KDM6A: variants seen among roughly 807,000 people sequenced by gnomAD.
KDM6A encodes lysine demethylase 6A.
In KDM6A, 11 loss-of-function variants were observed where a neutral mutation model predicts 117.6. The ratio of observed to expected loss-of-function variants is 0.09; its 90% CI spans 0.06 to 0.15. The LOEUF (loss-of-function observed/expected upper bound fraction) is 0.15, where lower values mean the gene tolerates loss of function less well. Among genes scored for constraint, KDM6A ranks in the 10% least tolerant of loss-of-function variants. The pLI, the probability that KDM6A is intolerant of heterozygous loss-of-function variation, is 1.00. For missense variants in KDM6A, 799 were observed against 1,077.3 expected, an observed-to-expected ratio of 0.74 and a Z score of 3.62; for synonymous variants, 384 against 396.1, an observed-to-expected ratio of 0.97 and a Z score of 0.36.
intron 2 of KDM6A, among the ~76,000 whole-genome samples, chrX:44,931,907 A>T (rs1362676814): frequency 2.1e-4 from 23 of 110,250 alleles, no homozygotes; most frequent in Non-Finnish European, 1.9e-5. Flanking sequence ...ATCCTATTTT[A>T]AAAATATCAT....
chrX:45,086,016 TAGAA>T (rs1372961691), intron 25 of KDM6A, 37 bp downstream of exon 25: 2 of 844,897 alleles, frequency 2.4e-6, no homozygotes, highest in Non-Finnish European at 3.6e-6. Context: ...AAACATATAT[TAGAA>T]AGCAGTAATT....
At chrX:44,951,786 C>A (rs1251270408) in intron 2 of KDM6A, among the ~76,000 whole-genome samples, 1 of 111,244 alleles carries the variant, frequency 9.0e-6, no homozygotes, top group Non-Finnish European at 1.9e-5. Flanking sequence ...TGACCTGAGT[C>A]AACTACCTTA....
chrX:44,955,149 C>T (rs2038254902), intron 2 of KDM6A, among the ~76,000 whole-genome samples: 1 of 111,727 alleles, frequency 9.0e-6, no homozygotes. Context: ...CTTCTTCCTT[C>T]TTTGTCTTTC....
rs1430171253 is a variant in KDM6A at position 44,912,091 on chromosome X, G to T, written c.225+38104G>T. On this transcript the variant is annotated intron_variant, in intron 2 of 29. Coordinates refer to ENST00000611820, the MANE Select transcript of KDM6A (RefSeq NM_001291415.2). The stretch of plus-strand genomic sequence containing the variant: ...GGGAGAGGTTATAAACTTTTTTTTT[G>T]TTTGTTTGTTTTTTGAGACGAAGCC... 1.7e-4 allele frequency among the ~76,000 whole-genome samples: 19 copies of T among 108,656 alleles called. No homozygotes were observed. The East Asian group carries it at 3.8e-3, about 22-fold the overall frequency. The allele number at this position is 108,656 out of a possible 115,157, so 94.4% of individuals were successfully genotyped here. A position where few individuals can be genotyped will look rare whatever the true frequency, so the allele number is the denominator to read the frequency against.
At chrX:44,960,021 G>A (rs1261692880) in intron 2 of KDM6A, among the ~76,000 whole-genome samples, 3 of 111,695 alleles carry the variant, frequency 2.7e-5, no homozygotes, top group Non-Finnish European at 5.7e-5. Flanking sequence ...ATGTGCTTAG[G>A]ATAGGTAAAT....
At chrX:44,903,348 G>A (rs954347941) in intron 2 of KDM6A, among the ~76,000 whole-genome samples, 3 of 111,888 alleles carry the variant, frequency 2.7e-5, no homozygotes, top group African/African-American at 9.7e-5. Context: ...GCTTGTATGT[G>A]ATGAGTCACT....
At chrX:44,963,225 G>T (rs2038780959) in intron 3 of KDM6A, among the ~76,000 whole-genome samples, 1 of 110,679 alleles carries the variant, frequency 9.0e-6, no homozygotes, top group African/African-American at 3.3e-5. Context: ...ATTTTGGGAG[G>T]CCAAGGCAGG....
At chrX:45,027,459 G>C (rs17147066) in intron 6 of KDM6A, among the ~76,000 whole-genome samples, 2 of 110,546 alleles carry the variant, frequency 1.8e-5, no homozygotes, top group African/African-American at 6.7e-5. Flanking sequence ...ACCTCTTTCA[G>C]CTGGCATTTT....
intron 6 of KDM6A, among the ~76,000 whole-genome samples, chrX:45,031,429 G>C (rs1226685609): frequency 8.9e-6 from 1 of 111,901 alleles, no homozygotes; most frequent in Non-Finnish European, 1.9e-5. Flanking sequence ...TACATACCTT[G>C]TTTATATAGT....
At position 44,883,518 on chromosome X, in the gene KDM6A, G is replaced by A. The variant is rs769204955; in HGVS notation, c.225+9531G>A. On this transcript the variant is annotated intron_variant, in intron 2 of 29. Transcript: ENST00000611820. The stretch of plus-strand genomic sequence containing the variant: ...CTCCCGAATAGCTAGGATTACAAGC[G>A]TGCGCCACCATGCCTAGCTAATTTT... Among the ~76,000 whole-genome samples the A allele has an allele frequency of 2.7e-4, 30 of 110,770 alleles. No homozygotes were observed. In the South Asian group the frequency reaches 7.3e-3, roughly 27 times the overall value.
At chrX:44,934,895 C>T (rs1336607140) in intron 2 of KDM6A, among the ~76,000 whole-genome samples, 1 of 111,365 alleles carries the variant, frequency 9.0e-6, no homozygotes, top group Non-Finnish European at 1.9e-5. Flanking sequence ...GCTTTATAAA[C>T]CAATGCATGG....
At chrX:45,108,886 G>A (rs757201436) in intron 28 of KDM6A, among the ~76,000 whole-genome samples, 1 of 99,036 alleles carries the variant, frequency 1.0e-5, no homozygotes, top group Non-Finnish European at 2.0e-5. Flanking sequence ...ACCAAACACC[G>A]CACATTCTCA....
intron 2 of KDM6A, among the ~76,000 whole-genome samples, chrX:44,886,515 A>G (rs1170933344): frequency 9.7e-6 from 1 of 102,830 alleles, no homozygotes; most frequent in African/African-American, 3.6e-5. Flanking sequence ...TTTGAGACAG[A>G]GTCTTGCTCT....
At chrX:44,964,219 G>A (rs1430987494) in intron 3 of KDM6A, among the ~76,000 whole-genome samples, 1 of 108,568 alleles carries the variant, frequency 9.2e-6, no homozygotes, top group Non-Finnish European at 1.9e-5. Flanking sequence ...GGAGGCCTCG[G>A]TAGGTGGATT....
chrX:45,012,071 A>C (rs1363363462), intron 5 of KDM6A, among the ~76,000 whole-genome samples: 1 of 109,816 alleles, frequency 9.1e-6, no homozygotes, highest in Non-Finnish European at 1.9e-5. Context: ...TACAGGCATG[A>C]GCCCCCACGC....
chrX:44,963,521 GTCTC>G (rs2038840979), intron 3 of KDM6A, among the ~76,000 whole-genome samples: 1 of 100,406 alleles, frequency 1.0e-5, no homozygotes, highest in South Asian at 4.4e-4. Flanking sequence ...GTCTGTCTCT[GTCTC>G]TCTCTGTGTC....
At chrX:44,994,865 A>G (rs1344235536) in intron 4 of KDM6A, among the ~76,000 whole-genome samples, 1 of 111,494 alleles carries the variant, frequency 9.0e-6, no homozygotes, top group Non-Finnish European at 1.9e-5. Flanking sequence ...TTTGGCAGGA[A>G]AAATGGTTAT....
intron 2 of KDM6A, among the ~76,000 whole-genome samples, chrX:44,898,973 C>T (rs2034115881): frequency 1.1e-5 from 1 of 94,842 alleles, no homozygotes; most frequent in Non-Finnish European, 2.0e-5. Flanking sequence ...ATGCTTGGCT[C>T]CACTGAAACT....
intron 2 of KDM6A, among the ~76,000 whole-genome samples, chrX:44,913,260 A>G (rs967213851): frequency 2.7e-5 from 3 of 109,518 alleles, no homozygotes; most frequent in Non-Finnish European, 5.7e-5. Flanking sequence ...TATTGTAAGA[A>G]TACAGTATAT....
Sources: allele counts gnomAD v4.1 joint callset (sites outside exome capture counted in the v4.1 genomes callset), GRCh38; gene constraint gnomAD v4.1.1; transcripts MANE v1.5; gene names NCBI Gene and HGNC (gene_info 2026-07-23, HGNC 2026-07-21).